ST6GAL1: variants seen among roughly 807,000 people sequenced by gnomAD.
ST6GAL1 encodes beta-galactoside alpha-2,6-sialyltransferase 1.
In ST6GAL1, 20 loss-of-function variants were observed where a neutral mutation model predicts 38.0. That is an observed-to-expected ratio of 0.53 (90% CI 0.37 to 0.77). ST6GAL1 has a LOEUF of 0.77. Ranked by LOEUF, ST6GAL1 falls within the 30% of genes least tolerant of loss-of-function variation. ST6GAL1 has a pLI of 0.00. For missense variants in ST6GAL1, 432 were observed against 496.4 expected, an observed-to-expected ratio of 0.87 and a Z score of 1.23; for synonymous variants, 196 against 188.2, an observed-to-expected ratio of 1.04 and a Z score of -0.34.
intron 5 of ST6GAL1, chr3:187,072,468 G>A (rs1484458863): frequency 3.0e-6 from 1 of 331,472 alleles, no homozygotes; most frequent in Non-Finnish European, 5.9e-6. Context: ...GTGATTGAAA[G>A]GATTCCAGAG....
intron 2 of ST6GAL1, among the ~76,000 whole-genome samples, chr3:187,029,001 G>A (rs141212648): frequency 6.8e-4 from 103 of 151,692 alleles, no homozygotes; most frequent in African/African-American, 2.4e-3. Context: ...CAGGAGAATC[G>A]CTTGAACCTG....
chr3:186,950,022 A>G lies in ST6GAL1; in HGVS notation c.-324-13763A>G, dbSNP rs1280558647. ...CTAGGGGCTGTGAATAGAAAGAGAA[A>G]TGAGATACAGCCTCTCCCTGGAGGA... is the stretch of plus-strand genomic sequence containing the variant. On this transcript the variant is annotated intron_variant, in intron 1 of 7. Transcript: ENST00000169298. 4.6e-5 allele frequency among the ~76,000 whole-genome samples: 7 copies of G among 152,208 alleles called. No individual in the cohort carries two copies. The South Asian group carries it at 1.4e-3, about 31-fold the overall frequency.
intron 1 of ST6GAL1, among the ~76,000 whole-genome samples, chr3:186,943,243 T>G (rs1030347489): frequency 3.3e-5 from 5 of 152,152 alleles, no homozygotes; most frequent in African/African-American, 9.7e-5. Flanking sequence ...ATGAGCATTT[T>G]TGAGGCAGGG....
intron 2 of ST6GAL1, among the ~76,000 whole-genome samples, chr3:187,006,999 A>G (rs1215063293): frequency 6.6e-6 from 1 of 152,218 alleles, no homozygotes; most frequent in Non-Finnish European, 1.5e-5. Flanking sequence ...AGTTGCTAGT[A>G]CAGCCAAGAT....
intron 5 of ST6GAL1, among the ~76,000 whole-genome samples, chr3:187,066,625 T>TG (rs1719149629): frequency 1.3e-5 from 2 of 151,990 alleles, no homozygotes; most frequent in Admixed American, 1.3e-4. Flanking sequence ...TGTGTGTGTG[T>TG]GTGTGTTTCT....
chr3:186,940,709 G>T lies in ST6GAL1; in HGVS notation c.-325+9875G>T, dbSNP rs562975761. 2.6e-5 allele frequency among the ~76,000 whole-genome samples: 4 copies of T among 151,690 alleles called. No homozygotes were observed. The South Asian group carries it at 8.4e-4, about 32-fold the overall frequency. On this transcript the variant is annotated intron_variant, in intron 1 of 7. Transcript: ENST00000169298. ...GGAAGCCAAAAGATCGGACATTCCT[G>T]GCATTATACTAGTCCATTTACAAAC...
At chr3:187,029,316 T>A (rs947511908) in intron 2 of ST6GAL1, among the ~76,000 whole-genome samples, 1 of 151,954 alleles carries the variant, frequency 6.6e-6, no homozygotes, top group South Asian at 2.1e-4. Context: ...AACAAAGGGG[T>A]GAGGTTTTCT....
chr3:187,032,190 G>C (rs1230671988), intron 2 of ST6GAL1, among the ~76,000 whole-genome samples: 1 of 152,188 alleles, frequency 6.6e-6, no homozygotes, highest in African/African-American at 2.4e-5. Flanking sequence ...CAAAAATGGA[G>C]AGTGATTTTT....
At chr3:186,984,352 T>C (rs62292615) in intron 2 of ST6GAL1, among the ~76,000 whole-genome samples, 74,175 of 151,952 alleles carry the variant, frequency 0.49, 19,235 homozygotes, top group Non-Finnish European at 0.6. Flanking sequence ...TCAGATCTGG[T>C]TGTTCCTCTG....
chr3:186,955,650 G>A (rs141945919), intron 1 of ST6GAL1, among the ~76,000 whole-genome samples: 3,754 of 152,002 alleles, frequency 0.025, 136 homozygotes, highest in African/African-American at 0.074. Context: ...CTACAGGTGC[G>A]TGCCACCATG....
At chr3:187,022,507 T>A (rs115877942) in intron 2 of ST6GAL1, among the ~76,000 whole-genome samples, 1 of 152,054 alleles carries the variant, frequency 6.6e-6, no homozygotes, top group Non-Finnish European at 1.5e-5. Flanking sequence ...GATAAGGAGG[T>A]TGTGGGGGCC....
intron 2 of ST6GAL1, among the ~76,000 whole-genome samples, chr3:187,011,807 G>A (rs965777819): frequency 1.3e-5 from 2 of 152,174 alleles, no homozygotes; most frequent in African/African-American, 4.8e-5. Context: ...TCACAGGCCA[G>A]GAAATTCATG....
intron 3 of ST6GAL1, chr3:187,041,908 T>A (rs1287365710): frequency 1.3e-5 from 2 of 152,224 alleles, no homozygotes; most frequent in African/African-American, 2.4e-5. Flanking sequence ...TTTGTTTCCA[T>A]TTCCTTAGTT....
At chr3:187,034,706 C>A (rs2108574627) in intron 2 of ST6GAL1, among the ~76,000 whole-genome samples, 1 of 152,120 alleles carries the variant, frequency 6.6e-6, no homozygotes, top group South Asian at 2.1e-4. Flanking sequence ...ATCCAAAATC[C>A]TTTCATCAAA....
intron 4 of ST6GAL1, among the ~76,000 whole-genome samples, chr3:187,047,170 CTCCTGATCTCATGA>C (rs2108583540): frequency 6.6e-6 from 1 of 152,086 alleles, no homozygotes; most frequent in South Asian, 2.1e-4. Context: ...TGGTCTCGAT[CTCCTGATCTCATGA>C]TCCGCCCACC....
chr3:186,983,686 A>G (rs1715768096), intron 2 of ST6GAL1, among the ~76,000 whole-genome samples: 1 of 152,188 alleles, frequency 6.6e-6, no homozygotes, highest in Non-Finnish European at 1.5e-5. Flanking sequence ...AATTAACACG[A>G]ATTGCCTCAT....
Position 186,944,259 on chromosome 3 carries a change from G to C in ST6GAL1, c.-325+13425G>C, listed in dbSNP as rs142872122. On this transcript the variant is annotated intron_variant, in intron 1 of 7. Transcript: ENST00000169298. ...ATCCTTTAGTTTGGAGAAACACTTT[G>C]GGGACTGGAACAGGAACAATCACAG... Among the ~76,000 whole-genome samples the C allele has an allele frequency of 3.6e-4, 55 of 152,304 alleles. No homozygotes were observed. The East Asian group carries it at 5.4e-3, about 15-fold the overall frequency.
At chr3:187,020,153 C>T (rs1055339527) in intron 2 of ST6GAL1, among the ~76,000 whole-genome samples, 7 of 152,236 alleles carry the variant, frequency 4.6e-5, no homozygotes, top group Admixed American at 2.0e-4. Flanking sequence ...AAAAATTAGC[C>T]GGGCGTGGTG....
chr3:186,984,723 C>T (rs1354631672), intron 2 of ST6GAL1, among the ~76,000 whole-genome samples: 2 of 143,006 alleles, frequency 1.4e-5, no homozygotes, highest in Non-Finnish European at 3.1e-5. Context: ...CCTTCCCTTC[C>T]TCCCTTCCTT....
Sources: gnomAD v4.1 joint callset for allele counts (sites outside exome capture counted in the v4.1 genomes callset) on GRCh38, gnomAD v4.1.1 for gene constraint, MANE v1.5 for transcripts, NCBI Gene and HGNC (gene_info 2026-07-23, HGNC 2026-07-21) for gene names.